EML4: variants seen among roughly 807,000 people sequenced by gnomAD.
EML4 encodes EMAP like 4.
Under a neutral mutation model 129.0 loss-of-function variants are expected in EML4, and 72 were observed. That is an observed-to-expected ratio of 0.56 (90% CI 0.46 to 0.68). The LOEUF is 0.68. EML4 is among the 30% of genes least tolerant of loss of function. The probability of loss-of-function intolerance (pLI) is 0.00; values close to 1 mark genes in which losing one functional copy is unlikely to be tolerated. For synonymous variants in EML4, 532 were observed against 405.0 expected (o/e 1.31, Z -3.77); for missense variants, 1,363 against 1,190.6 (o/e 1.14, Z -2.13).
intron 1 of EML4, among the ~76,000 whole-genome samples, chr2:42,203,174 A>G (rs886764906): frequency 5.9e-5 from 9 of 152,258 alleles, no homozygotes; most frequent in African/African-American, 4.8e-5. Flanking sequence ...TAACGTATGC[A>G]TATATTGAAA....
intron 1 of EML4, among the ~76,000 whole-genome samples, chr2:42,244,216 A>T (rs1675234142): frequency 6.7e-6 from 1 of 150,056 alleles, no homozygotes; most frequent in African/African-American, 2.5e-5. Context: ...CTCCTGCCTC[A>T]GCCTCCCAAG....
Position 42,329,842 on chromosome 2 carries a change from C to G in EML4, c.2581C>G (p.Gln861Glu), listed in dbSNP as rs1670003903. The change falls in exon 23 of 23, where the codon CAG becomes GAG. Residue 861 changes from glutamine to glutamate, a missense_variant. Physicochemically the swap from Gln to Glu is conservative, Grantham distance 29 (BLOSUM62 2). Transcript: ENST00000318522. Reference sequence around the variant, plus strand: ...TGGTGGAAAAGACATGAGCATCATTCAGTGGAAACTTGTGGAAAAGTTATC... The same window carrying G: ...TGGTGGAAAAGACATGAGCATCATTGAGTGGAAACTTGTGGAAAAGTTATC... ...STGGKDMSIIQWKLVEKLSLP... is the reference protein window; with the variant it reads ...STGGKDMSIIEWKLVEKLSLP... 14 of 1,613,988 alleles carry G rather than the reference C, an allele frequency of 8.7e-6. No individual in the cohort carries two copies. The highest frequency in any genetic ancestry group is 1.3e-5 in the African/African-American group (1 of 74,890).
chr2:42,305,938 G>A (rs1313456127), intron 17 of EML4, among the ~76,000 whole-genome samples: 2 of 152,102 alleles, frequency 1.3e-5, no homozygotes, highest in African/African-American at 4.8e-5. Context: ...ATTAACACCT[G>A]AAATGTGAAA....
chr2:42,259,323 A>G (rs569133700), intron 3 of EML4, among the ~76,000 whole-genome samples: 1 of 152,126 alleles, frequency 6.6e-6, no homozygotes, highest in African/African-American at 2.4e-5. Context: ...TCATCACTGG[A>G]ATTCAAGTCT....
chr2:42,289,232 G>T (rs6544533), intron 11 of EML4: 1 of 151,950 alleles, frequency 6.6e-6, no homozygotes, highest in African/African-American at 2.4e-5. Flanking sequence ...TGAAACATAG[G>T]GAAGTTGCAT....
At chr2:42,261,055 TCTA>T in intron 3 of EML4, 63 bp from the exon 4 acceptor site, 1 of 1,230,194 alleles carries the variant, frequency 8.1e-7, no homozygotes, top group Non-Finnish European at 1.1e-6. Flanking sequence ...TAATCACTTT[TCTA>T]TCGTTTGATT....
At chr2:42,282,993 G>A in intron 8 of EML4, 21 bp downstream of exon 8, 1 of 1,551,714 alleles carries the variant, frequency 6.4e-7, no homozygotes, top group South Asian at 1.2e-5. Context: ...TTTAACATTG[G>A]TTCATTTTTG....
intron 1 of EML4, among the ~76,000 whole-genome samples, chr2:42,195,637 A>C (rs2103928563): frequency 6.6e-6 from 1 of 152,332 alleles, no homozygotes; most frequent in Non-Finnish European, 1.5e-5. Context: ...CCAGCATTAA[A>C]CATGAGTTAT....
chr2:42,174,937 C>T (rs374884984), intron 1 of EML4, among the ~76,000 whole-genome samples: 3 of 151,118 alleles, frequency 2.0e-5, no homozygotes, highest in East Asian at 2.0e-4. Flanking sequence ...CTGCCTCAGC[C>T]TCCCTAGTAG....
At chr2:42,177,476 A>G (rs1670673206) in intron 1 of EML4, among the ~76,000 whole-genome samples, 2 of 152,038 alleles carry the variant, frequency 1.3e-5, no homozygotes, top group South Asian at 4.1e-4. Flanking sequence ...CAAAAAAATT[A>G]GCCAGGCATG....
chr2:42,184,408 C>T lies in EML4; in HGVS notation c.25+14772C>T, dbSNP rs538288117. ...CCTCCCCCCACCCCACAACAGGCCC[C>T]GGTGCTAACACACCATTTTCATTGT... On this transcript the variant is annotated intron_variant, in intron 1 of 22. Coordinates refer to ENST00000318522, the MANE Select transcript of EML4 (RefSeq NM_019063.5). Among the ~76,000 whole-genome samples, 14 of 130,550 alleles carry T rather than the reference C, an allele frequency of 1.1e-4. No individual in the cohort carries two copies. The South Asian group carries it at 1.8e-3, about 17-fold the overall frequency. The allele number at this position is 130,550 out of a possible 152,430, so 85.6% of individuals were successfully genotyped here.
chr2:42,219,249 T>G (rs922114735), intron 1 of EML4, among the ~76,000 whole-genome samples: 1 of 152,212 alleles, frequency 6.6e-6, no homozygotes, highest in East Asian at 1.9e-4. Context: ...TCCACTGATA[T>G]GTGGATTTTT....
chr2:42,279,524 C>G (rs942236933), intron 6 of EML4, among the ~76,000 whole-genome samples: 1 of 151,732 alleles, frequency 6.6e-6, no homozygotes, highest in Non-Finnish European at 1.5e-5. Context: ...GTGGCGCGAT[C>G]TTGGCTCACT....
At chr2:42,264,889 G>T (rs998714074) in intron 6 of EML4, 158 bp downstream of exon 6, 13 of 1,548,524 alleles carry the variant, frequency 8.4e-6, no homozygotes, top group Admixed American at 5.9e-5. Flanking sequence ...AGTTTTTATT[G>T]TAAGGTAATG....
At chr2:42,244,191 T>A (rs1335424777) in intron 1 of EML4, among the ~76,000 whole-genome samples, 1 of 150,472 alleles carries the variant, frequency 6.6e-6, no homozygotes, top group Non-Finnish European at 1.5e-5. Context: ...CTTTGCCTCC[T>A]GGGTTCAAGC....
intron 6 of EML4, among the ~76,000 whole-genome samples, chr2:42,278,221 C>T (rs1572676283): frequency 6.6e-6 from 1 of 152,136 alleles, no homozygotes; most frequent in Admixed American, 6.5e-5. Flanking sequence ...CACTGGGATG[C>T]TAGAGGCAGG....
chr2:42,330,143 T>TA lies in EML4; in HGVS notation c.2884dup (p.Ser962LysfsTer43). ...CTTTATGAAGAGCCATGCAACGAGATAAGCAAGGAGCAGGCCAAAGCCACC... is the reference window on the plus strand; with the variant it reads ...CTTTATGAAGAGCCATGCAACGAGATAAAGCAAGGAGCAGGCCAAAGCCACC... On this transcript the variant is annotated frameshift_variant, in exon 23 of 23. Coordinates refer to ENST00000318522, the MANE Select transcript of EML4 (RefSeq NM_019063.5). LOFTEE classifies it high-confidence loss of function. The TA allele has an allele frequency of 1.9e-6, 3 of 1,611,770 alleles. No individual in the cohort carries two copies. Among genetic ancestry groups the TA allele is most frequent in the Non-Finnish European group, 2.5e-6 (3 of 1,179,628 alleles).
intron 1 of EML4, among the ~76,000 whole-genome samples, chr2:42,230,198 A>G (rs1332825825): frequency 6.6e-6 from 1 of 152,054 alleles, no homozygotes; most frequent in African/African-American, 2.4e-5. Flanking sequence ...CAAATCAACC[A>G]CTGTTTGGAG....
intron 6 of EML4, among the ~76,000 whole-genome samples, chr2:42,276,952 A>G (rs1468532231): frequency 6.6e-6 from 1 of 152,218 alleles, no homozygotes; most frequent in Non-Finnish European, 1.5e-5. Context: ...AGTTAGAAGC[A>G]CTACATCATG....
Sources: gnomAD v4.1 joint callset for allele counts (sites outside exome capture counted in the v4.1 genomes callset) on GRCh38, gnomAD v4.1.1 for gene constraint, MANE v1.5 for transcripts, NCBI Gene and HGNC (gene_info 2026-07-23, HGNC 2026-07-21) for gene names.